Variants in FMN1 observed in about 807,000 individuals in gnomAD.
The protein encoded by FMN1 is formin-1.
Under a neutral mutation model 132.4 loss-of-function variants are expected in FMN1, and 110 were observed. The ratio of observed to expected loss-of-function variants is 0.83; its 90% CI spans 0.71 to 0.97. FMN1 has a LOEUF of 0.97. Among genes scored for constraint, FMN1 ranks in the 50% least tolerant of loss-of-function variants. FMN1 has a pLI of 0.00. For synonymous variants in FMN1, 722 were observed against 651.7 expected, an observed-to-expected ratio of 1.11 and a Z score of -1.64; for missense variants, 1,792 against 1,705.3, an observed-to-expected ratio of 1.05 and a Z score of -0.90.
At chr15:33,005,264 T>C (rs932087405) in intron 7 of FMN1, among the ~76,000 whole-genome samples, 3 of 151,278 alleles carry the variant, frequency 2.0e-5, no homozygotes, top group Admixed American at 6.6e-5. Context: ...TAGTGAGCCA[T>C]GGTGGCCATG....
Position 32,908,597 on chromosome 15 carries a change from C to CA in FMN1, c.3289-20dup. Reference sequence around the variant, plus strand: ...GGGCTCTCTGTATCAAAATAGAAAACAAAACCAAAAAAAAAAAAAAAAAAA... The same window carrying CA: ...GGGCTCTCTGTATCAAAATAGAAAACAAAAACCAAAAAAAAAAAAAAAAAAA... On this transcript the variant is annotated intron_variant, in intron 11 of 20. Coordinates refer to ENST00000616417, the MANE Select transcript of FMN1 (RefSeq NM_001277313.2). The CA allele has an allele frequency of 4.5e-6, 2 of 446,236 alleles. No homozygotes were observed. The allele number at this position is 446,236 out of a possible 1,614,324, so 27.6% of individuals were successfully genotyped here. A position where few individuals can be genotyped will look rare whatever the true frequency, so the allele number is the denominator to read the frequency against.
At chr15:32,783,092 A>G (rs1180385554) in intron 19 of FMN1, among the ~76,000 whole-genome samples, 1 of 152,144 alleles carries the variant, frequency 6.6e-6, no homozygotes, top group Admixed American at 6.5e-5. Context: ...AAACCCTGCC[A>G]CTATGAAATA....
At chr15:33,144,486 A>G (rs1964132649) in intron 4 of FMN1, among the ~76,000 whole-genome samples, 1 of 151,888 alleles carries the variant, frequency 6.6e-6, no homozygotes, top group East Asian at 1.9e-4. Context: ...AAATACAAAA[A>G]ATTAGCCGGG....
At chr15:32,815,153 A>T (rs929900436) in intron 17 of FMN1, among the ~76,000 whole-genome samples, 54 of 152,098 alleles carry the variant, frequency 3.6e-4, no homozygotes, top group Admixed American at 3.5e-3. Context: ...CGTGTTAGCC[A>T]GGATGGTCTC....
intron 16 of FMN1, among the ~76,000 whole-genome samples, chr15:32,874,407 A>G (rs184621171): frequency 6.6e-6 from 1 of 152,198 alleles, no homozygotes; most frequent in African/African-American, 2.4e-5. Flanking sequence ...TATGTCATGG[A>G]TTGAAAAAAA....
intron 9 of FMN1, among the ~76,000 whole-genome samples, chr15:32,935,731 G>A (rs186236397): frequency 3.3e-5 from 5 of 151,860 alleles, no homozygotes; most frequent in African/African-American, 4.8e-5. Context: ...AGATTCAAGC[G>A]ATTCGCCTGC....
intron 16 of FMN1, among the ~76,000 whole-genome samples, chr15:32,874,880 T>C (rs2059602867): frequency 6.6e-6 from 1 of 152,216 alleles, no homozygotes; most frequent in African/African-American, 2.4e-5. Context: ...TGACACTTTT[T>C]AAAGACCATC....
Position 32,767,210 on chromosome 15 carries a change from T to C in FMN1, c.*7100A>G, listed in dbSNP as rs1179358062. ...GCCTCGTTCAAATTTTTCTCCTCCATGCGTCCTTTTTTTCTTGCTCATCCC... is the reference window on the plus strand; with the variant it reads ...GCCTCGTTCAAATTTTTCTCCTCCACGCGTCCTTTTTTTCTTGCTCATCCC... On this transcript the variant is annotated 3_prime_UTR_variant, in exon 21 of 21. Coordinates refer to ENST00000616417, the MANE Select transcript of FMN1 (RefSeq NM_001277313.2). The C allele has an allele frequency of 2.6e-5, 4 of 152,246 alleles. No homozygotes were observed. The highest frequency in any genetic ancestry group is 5.9e-5 in the Non-Finnish European group (4 of 68,046). 9.4% of individuals were successfully genotyped at this position (152,246 alleles called of 1,614,324 possible).
At chr15:33,159,500 T>C (rs963064910) in intron 3 of FMN1, among the ~76,000 whole-genome samples, 2 of 152,192 alleles carry the variant, frequency 1.3e-5, no homozygotes, top group Admixed American at 1.3e-4. Flanking sequence ...ATACAGTATA[T>C]AAGGTGTTTC....
At chr15:33,064,900 T>C (rs760893360) in intron 6 of FMN1, 57 bp downstream of exon 6, 20 of 1,217,242 alleles carry the variant, frequency 1.6e-5, no homozygotes, top group Non-Finnish European at 2.2e-5. Flanking sequence ...AAGCTAGAAC[T>C]AAAAGCCATT....
chr15:32,829,695 A>C (rs1489937227), intron 17 of FMN1, among the ~76,000 whole-genome samples: 2 of 152,226 alleles, frequency 1.3e-5, no homozygotes, highest in Non-Finnish European at 2.9e-5. Context: ...AAAAGCAATA[A>C]GGATTCTCTG....
At chr15:33,011,648 A>C (rs951459673) in intron 6 of FMN1, among the ~76,000 whole-genome samples, 1 of 152,140 alleles carries the variant, frequency 6.6e-6, no homozygotes, top group Non-Finnish European at 1.5e-5. Context: ...CAATAGATCA[A>C]TCTATCATCA....
intron 17 of FMN1, among the ~76,000 whole-genome samples, chr15:32,811,612 G>T (rs1210200041): frequency 6.6e-6 from 1 of 150,812 alleles, no homozygotes; most frequent in Non-Finnish European, 1.5e-5. Context: ...TGCTATCCTG[G>T]ATCCTCTTAT....
At chr15:33,157,622 T>C (rs1400964730) in intron 3 of FMN1, among the ~76,000 whole-genome samples, 4 of 152,178 alleles carry the variant, frequency 2.6e-5, no homozygotes, top group Non-Finnish European at 5.9e-5. Flanking sequence ...GTTTTTTTTG[T>C]TGTTTTCTGT....
chr15:32,988,959 C>A (rs2140839081), intron 7 of FMN1, among the ~76,000 whole-genome samples: 1 of 152,276 alleles, frequency 6.6e-6, no homozygotes, highest in Admixed American at 6.5e-5. Context: ...CTGATAAATG[C>A]ACATTTAAGA....
At chr15:32,896,441 C>T (rs574494456) in intron 15 of FMN1, among the ~76,000 whole-genome samples, 1 of 151,878 alleles carries the variant, frequency 6.6e-6, no homozygotes, top group Non-Finnish European at 1.5e-5. Flanking sequence ...ACAAAAAAAA[C>T]CCCCTATAAC....
At chr15:32,940,391 T>TTGTGTGTGTGTGTGTGTGTGTG (rs67121672) in intron 9 of FMN1, among the ~76,000 whole-genome samples, 12 of 145,422 alleles carry the variant, frequency 8.3e-5, no homozygotes, top group African/African-American at 3.0e-4. Context: ...AAAATAAAAA[T>TTGTGTGTGTGTGTGTGTGTGTG]TGTGTGTGTG....
intron 6 of FMN1, among the ~76,000 whole-genome samples, chr15:33,058,491 T>C (rs905286453): frequency 5.3e-5 from 8 of 152,244 alleles, no homozygotes; most frequent in Non-Finnish European, 1.0e-4. Flanking sequence ...TGTGGCTCAA[T>C]GAACGGTAGT....
At chr15:32,848,337 CGT>C (rs747447761) in intron 17 of FMN1, among the ~76,000 whole-genome samples, 3 of 112,704 alleles carry the variant, frequency 2.7e-5, no homozygotes, top group South Asian at 3.4e-4. Flanking sequence ...TGTGTGTGCA[CGT>C]GTGTGTGCGT....
Sources: gnomAD v4.1 joint callset for allele counts (sites outside exome capture counted in the v4.1 genomes callset) on GRCh38, gnomAD v4.1.1 for gene constraint, MANE v1.5 for transcripts, NCBI Gene and HGNC (gene_info 2026-07-23, HGNC 2026-07-21) for gene names.